The following SYNPR variants were observed in gnomAD, a reference collection of about 807,000 sequenced individuals.
The protein encoded by SYNPR is synaptoporin.
A neutral mutation model predicts 32.9 loss-of-function variants in SYNPR; 23 were observed. The observed-to-expected ratio is 0.70, with a 90% CI of 0.50 to 0.99. The LOEUF (loss-of-function observed/expected upper bound fraction) is 0.99. Ranked by LOEUF, SYNPR falls within the 50% of genes least tolerant of loss-of-function variation. SYNPR has a pLI of 0.00. For missense variants in SYNPR, 318 were observed against 349.3 expected, an observed-to-expected ratio of 0.91 and a Z score of 0.71; for synonymous variants, 146 against 135.9, an observed-to-expected ratio of 1.07 and a Z score of -0.52.
At chr3:63,500,938 T>C (rs1701464970) in intron 3 of SYNPR, among the ~76,000 whole-genome samples, 1 of 152,174 alleles carries the variant, frequency 6.6e-6, no homozygotes, top group South Asian at 2.1e-4. Flanking sequence ...GTTATTAATC[T>C]CTCTGAACCT....
At chr3:63,220,938 A>AACTTAGTTAACAGTTTTATAACCAATG in the SYNPR span, among the ~76,000 whole-genome samples, 1 of 152,052 alleles carries the variant, frequency 6.6e-6, no homozygotes, top group African/African-American at 2.4e-5. Flanking sequence ...TATAACCAAT[A>AACTTAGTTAACAGTTTTATAACCAATG]TGCAATTCTT....
the SYNPR span, among the ~76,000 whole-genome samples, chr3:63,206,217 A>G: frequency 6.6e-6 from 1 of 152,324 alleles, no homozygotes; most frequent in South Asian, 2.1e-4. Context: ...TAGGTGCCCT[A>G]AAATTTAAGA....
chr3:63,416,325 G>GCTT (rs1322993902), intron 2 of SYNPR, among the ~76,000 whole-genome samples: 1 of 152,068 alleles, frequency 6.6e-6, no homozygotes, highest in Non-Finnish European at 1.5e-5. Flanking sequence ...GAGGTTCGGA[G>GCTT]CTTGAGACTA....
At chr3:63,534,578 T>A (rs1376129358) in intron 3 of SYNPR, among the ~76,000 whole-genome samples, 1 of 152,174 alleles carries the variant, frequency 6.6e-6, no homozygotes, top group East Asian at 1.9e-4. Context: ...TATAAGAACC[T>A]GTCAGTACAG....
intron 2 of SYNPR, among the ~76,000 whole-genome samples, chr3:63,331,097 A>G (rs2087225669): frequency 6.6e-6 from 1 of 152,194 alleles, no homozygotes; most frequent in Non-Finnish European, 1.5e-5. Flanking sequence ...ATATATCATT[A>G]CCACCACTAT....
intron 4 of SYNPR, among the ~76,000 whole-genome samples, chr3:63,578,754 C>T (rs957861056): frequency 1.3e-5 from 2 of 152,090 alleles, no homozygotes; most frequent in African/African-American, 4.8e-5. Context: ...GAGCCCAGAA[C>T]CTGTATCTCA....
chr3:63,234,406 C>T (rs886869743), intron 1 of SYNPR, among the ~76,000 whole-genome samples: 1 of 152,172 alleles, frequency 6.6e-6, no homozygotes, highest in African/African-American at 2.4e-5. Context: ...TCCACAACCA[C>T]TGGATCTTTG....
chr3:63,538,211 G>A (rs1196472947), intron 3 of SYNPR, among the ~76,000 whole-genome samples: 2 of 152,044 alleles, frequency 1.3e-5, no homozygotes, highest in South Asian at 2.1e-4. Context: ...TCCTACTAGA[G>A]ATAAGAAACC....
At position 63,540,930 on chromosome 3, in the gene SYNPR, A is replaced by ACACACACACACACACACACAC. The variant is rs1553644965; in HGVS notation, c.210-15613_210-15612insCACACACACACACACACACAC. On this transcript the variant is annotated intron_variant, in intron 3 of 5. Coordinates refer to ENST00000478300, the MANE Select transcript of SYNPR (RefSeq NM_001130003.2). ...CACACACACACACAATCCCCCCCCC[A>ACACACACACACACACACACAC]ACACACACACACACACACACACACA... Among the ~76,000 whole-genome samples the ACACACACACACACACACACAC allele has an allele frequency of 2.0e-3, 244 of 122,788 alleles. 3 individuals carry two copies. Among genetic ancestry groups the ACACACACACACACACACACAC allele is most frequent in the Admixed American group, 0.017 (197 of 11,394 alleles). 80.6% of individuals were successfully genotyped at this position (122,788 alleles called of 152,430 possible). A position where few individuals can be genotyped will look rare whatever the true frequency, so the allele number is the denominator to read the frequency against.
chr3:63,477,829 G>C (rs151062174), intron 2 of SYNPR, among the ~76,000 whole-genome samples: 2 of 152,370 alleles, frequency 1.3e-5, no homozygotes, highest in African/African-American at 2.4e-5. Context: ...TTGGGCCCAA[G>C]AGCATGTCAG....
At chr3:63,563,597 A>G (rs903708150) in intron 4 of SYNPR, among the ~76,000 whole-genome samples, 5 of 150,988 alleles carry the variant, frequency 3.3e-5, no homozygotes, top group Admixed American at 6.6e-5. Flanking sequence ...TTCTCTCCCC[A>G]TTCTCCTCTC....
At chr3:63,575,583 T>G (rs1272816062) in intron 4 of SYNPR, among the ~76,000 whole-genome samples, 1 of 152,166 alleles carries the variant, frequency 6.6e-6, no homozygotes. Flanking sequence ...GGGGAAAAGC[T>G]TTATAGAGAA....
At chr3:63,219,245 GA>G in the SYNPR span, among the ~76,000 whole-genome samples, 1 of 152,158 alleles carries the variant, frequency 6.6e-6, no homozygotes, top group Non-Finnish European at 1.5e-5. Flanking sequence ...CTAGCCAGAG[GA>G]AAAACAATGT....
chr3:63,569,324 A>AT (rs374897450), intron 4 of SYNPR, among the ~76,000 whole-genome samples: 1 of 152,014 alleles, frequency 6.6e-6, no homozygotes, highest in Non-Finnish European at 1.5e-5. Flanking sequence ...GAAGTTTCTA[A>AT]TTTTTTCCAC....
intron 1 of SYNPR, among the ~76,000 whole-genome samples, chr3:63,231,551 G>A (rs2106873444): frequency 6.6e-6 from 1 of 151,652 alleles, no homozygotes; most frequent in East Asian, 2.0e-4. Context: ...AAATTCTTAA[G>A]TCTTCCATCT....
chr3:63,604,513 G>T (rs1446631436), intron 4 of SYNPR, among the ~76,000 whole-genome samples: 1 of 151,956 alleles, frequency 6.6e-6, no homozygotes. Context: ...CACTGCTTTC[G>T]CTGTGTCCCA....
intron 2 of SYNPR, among the ~76,000 whole-genome samples, chr3:63,259,821 A>G (rs1379020219): frequency 6.6e-6 from 1 of 152,202 alleles, no homozygotes; most frequent in Non-Finnish European, 1.5e-5. Context: ...ATATCTAGAA[A>G]ACCCCATCGT....
At chr3:63,611,334 A>G (rs1700193640) in intron 5 of SYNPR, among the ~76,000 whole-genome samples, 2 of 152,198 alleles carry the variant, frequency 1.3e-5, no homozygotes, top group African/African-American at 4.8e-5. Flanking sequence ...TCAAAATGCA[A>G]AGTTCCAGGA....
chr3:63,398,243 C>T (rs900767071), intron 2 of SYNPR, among the ~76,000 whole-genome samples: 2 of 152,144 alleles, frequency 1.3e-5, no homozygotes, highest in African/African-American at 2.4e-5. Flanking sequence ...AGCGTAAGAG[C>T]TGGCACTTGG....
Sources: gnomAD v4.1 joint callset for allele counts (sites outside exome capture counted in the v4.1 genomes callset) on GRCh38, gnomAD v4.1.1 for gene constraint, MANE v1.5 for transcripts, NCBI Gene and HGNC (gene_info 2026-07-23, HGNC 2026-07-21) for gene names.